FANCA: variants seen among roughly 807,000 people sequenced by gnomAD.
FANCA encodes Fanconi anemia group A protein.
FANCA carries 236 observed loss-of-function variants against 194.3 expected under a neutral mutation model. The ratio of observed to expected loss-of-function variants is 1.21; its 90% confidence interval spans 1.09 to 1.35. The LOEUF is 1.35. Among genes scored for constraint, FANCA ranks in the 40% most tolerant of loss-of-function variants. FANCA has a pLI of 0.00. For missense variants in FANCA, 2,628 were observed against 1,813.9 expected (o/e 1.45, Z -8.15); for synonymous variants, 1,014 against 715.8 (o/e 1.42, Z -6.65).
rs1192540962 is a variant in FANCA, at chr16:89,768,942, AGTGGGGACTGTCTGGT to A, written c.2504+879_2504+894del. Among the ~76,000 whole-genome samples the A allele has an allele frequency of 5.9e-5, 9 of 152,052 alleles. No individual in the cohort carries two copies. In the South Asian group the frequency reaches 1.7e-3, roughly 28 times the overall value. On this transcript the variant is annotated intron_variant, in intron 26 of 42. Transcript: ENST00000389301. ...TACTCAGTGTTTGGGGCCTGGGGTG[AGTGGGGACTGTCTGGT>A]GTGGCCAAGCGCCTAGGAGGGACTC...
chr16:89,750,795 C>CAACA (rs2038561842), intron 31 of FANCA, among the ~76,000 whole-genome samples: 1 of 151,066 alleles, frequency 6.6e-6, no homozygotes, highest in African/African-American at 2.4e-5. Flanking sequence ...AAAACAACAA[C>CAACA]AAAAAAAAAC....
In FANCA at chr16:89,773,876, CA is replaced by C. The variant is rs1304198681; in HGVS notation, c.1901-493del. Reference sequence around the variant, plus strand: ...TAACCTCCGCCTCCCGGGTTCAAATCATCCTGCCTCAGCCTCCCGAGTAGCT... The same window carrying C: ...TAACCTCCGCCTCCCGGGTTCAAATCTCCTGCCTCAGCCTCCCGAGTAGCT... On this transcript the variant is annotated intron_variant, in intron 21 of 42. Coordinates refer to ENST00000389301, the MANE Select transcript of FANCA (RefSeq NM_000135.4). 4.0e-5 allele frequency among the ~76,000 whole-genome samples: 6 copies of C among 151,152 alleles called. No individual in the cohort carries two copies. In the East Asian group the frequency reaches 1.2e-3, roughly 30 times the overall value.
intron 36 of FANCA, chr16:89,744,568 G>A (rs1476275103): frequency 3.0e-6 from 1 of 337,560 alleles, no homozygotes; most frequent in Non-Finnish European, 5.8e-6. Context: ...GATTTAAGAG[G>A]AAGGGGAGCA....
intron 26 of FANCA, 176 bp downstream of exon 26, chr16:89,769,661 C>T (rs1003069483): frequency 3.8e-4 from 267 of 706,336 alleles, no homozygotes; most frequent in Non-Finnish European, 6.1e-4. Flanking sequence ...AACAAACGCA[C>T]GCATATTATA....
At chr16:89,805,748 A>G (rs927799296) in intron 6 of FANCA, among the ~76,000 whole-genome samples, 1 of 147,034 alleles carries the variant, frequency 6.8e-6, no homozygotes, top group Non-Finnish European at 1.5e-5. Flanking sequence ...GTTATTTTCT[A>G]ATTTCCCTTG....
intron 3 of FANCA, among the ~76,000 whole-genome samples, chr16:89,813,412 A>G (rs1010572931): frequency 1.5e-4 from 22 of 150,664 alleles, no homozygotes; most frequent in Non-Finnish European, 1.2e-4. Flanking sequence ...TGTCTGTTAA[A>G]AAAAAAAAAA....
At chr16:89,769,686 A>G (rs2039253384) in intron 26 of FANCA, 151 bp downstream of exon 26, 1 of 820,134 alleles carries the variant, frequency 1.2e-6, no homozygotes, top group Admixed American at 2.1e-5. Context: ...AATGACAGAT[A>G]AAATTCTGGA....
rs1345382053 is a variant in FANCA, at chr16:89,769,991, AC to A, written c.2349del (p.Leu784TrpfsTer39). ...CCCAGGTGCACGGCCAGGGCAGCCA[AC>A]CCCAGCACATGTGGGGCACTCAGGC... ...GPSLSAPHVL[G>X]LAALAVHLGE... On this transcript the variant is annotated frameshift_variant, in exon 26 of 43. Coordinates refer to ENST00000389301, the MANE Select transcript of FANCA (RefSeq NM_000135.4). LOFTEE classifies it high-confidence loss of function. The A allele has an allele frequency of 1.2e-6, 2 of 1,613,896 alleles. No individual in the cohort carries two copies. The highest frequency in any genetic ancestry group is 2.2e-5 in the South Asian group (2 of 91,080).
Position 89,813,032 on chromosome 16 carries a change from C to CA in FANCA, c.283+1487dup, listed in dbSNP as rs34840110. On this transcript the variant is annotated intron_variant, in intron 3 of 42. Coordinates refer to ENST00000389301, the MANE Select transcript of FANCA (RefSeq NM_000135.4). ...TGGGCGACAGAGCAACACTTCGTCT[C>CA]AAAAAAAAAAAAAAAAAATTTTACA... Among the ~76,000 whole-genome samples the CA allele has an allele frequency of 4.3e-3, 541 of 127,056 alleles. 1 individual carries two copies. Among genetic ancestry groups the CA allele is most frequent in the African/African-American group, 6.1e-3 (218 of 35,532 alleles). The allele number at this position is 127,056 out of a possible 152,430, so 83.4% of individuals were successfully genotyped here.
At position 89,749,922 on chromosome 16, in the gene FANCA, T is replaced by A; in HGVS notation, c.3067-20A>T. On this transcript the variant is annotated intron_variant, in intron 31 of 42. Coordinates refer to ENST00000389301, the MANE Select transcript of FANCA (RefSeq NM_000135.4). Reference sequence around the variant, plus strand: ...CATCTCCTGAAAAAGAGCAGTATGCTGGCACAGGAAGGCCTCGGGGCTCAC... The same window carrying A: ...CATCTCCTGAAAAAGAGCAGTATGCAGGCACAGGAAGGCCTCGGGGCTCAC... The A allele has an allele frequency of 8.7e-6, 14 of 1,613,616 alleles. No individual in the cohort carries two copies. The highest frequency in any genetic ancestry group is 1.2e-5 in the Non-Finnish European group (14 of 1,180,006).
chr16:89,805,225 T>C, intron 7 of FANCA, 55 bp downstream of exon 7: 2 of 1,375,672 alleles, frequency 1.5e-6, no homozygotes, highest in Non-Finnish European at 2.1e-6. Flanking sequence ...CAGAAGGCAT[T>C]ATCACAGATC....
chr16:89,803,646 C>T (rs1260682829), intron 7 of FANCA, among the ~76,000 whole-genome samples: 3 of 141,268 alleles, frequency 2.1e-5, no homozygotes, highest in African/African-American at 5.4e-5. Flanking sequence ...TTTTGTGAGA[C>T]GGAGGCTTGC....
In FANCA at chr16:89,759,323, A is replaced by T. The variant is rs1262778367; in HGVS notation, c.2853-618T>A. ...CAACAGAGCGAGACTCCGTCTAAAA[A>T]AAAAAAAAAAAAAAAAAAAAAAAAA... is the stretch of plus-strand genomic sequence containing the variant. On this transcript the variant is annotated intron_variant, in intron 29 of 42. Transcript: ENST00000389301. 3.1e-3 allele frequency among the ~76,000 whole-genome samples: 345 copies of T among 112,262 alleles called. 37 individuals carry two copies. Among genetic ancestry groups the T allele is most frequent in the South Asian group, 0.014 (50 of 3,554 alleles). 73.6% of individuals were successfully genotyped at this position (112,262 alleles called of 152,430 possible). A position where few individuals can be genotyped will look rare whatever the true frequency, so the allele number is the denominator to read the frequency against.
intron 32 of FANCA, among the ~76,000 whole-genome samples, chr16:89,749,458 C>A (rs1202155846): frequency 6.6e-6 from 1 of 152,224 alleles, no homozygotes; most frequent in Non-Finnish European, 1.5e-5. Context: ...AACTCCTGAC[C>A]TCAGGTGATC....
intron 24 of FANCA, 104 bp downstream of exon 24, chr16:89,770,460 C>A: frequency 8.5e-7 from 1 of 1,176,500 alleles, no homozygotes; most frequent in Non-Finnish European, 1.2e-6. Context: ...TCGCCGCATG[C>A]TCCTGCGGAG....
rs200795294 is a variant in FANCA, at chr16:89,771,838, G to T, written c.2015-24C>A. On this transcript the variant is annotated intron_variant, in intron 22 of 42. Coordinates refer to ENST00000389301, the MANE Select transcript of FANCA (RefSeq NM_000135.4). The stretch of plus-strand genomic sequence containing the variant: ...AACTGCGAAGGAAGAAACTAGTTAG[G>T]GATGACAAGAACCCCGAAAGGAGGG... The T allele has an allele frequency of 2.2e-4, 351 of 1,613,002 alleles. 3 individuals carry two copies. The South Asian group carries it at 3.1e-3, about 14-fold the overall frequency.
chr16:89,788,221 G>C (rs1252716923), intron 14 of FANCA, among the ~76,000 whole-genome samples: 1 of 152,128 alleles, frequency 6.6e-6, no homozygotes, highest in Admixed American at 6.5e-5. Context: ...CCAGCACTTT[G>C]GGAGGCTAAG....
rs1227714489 is a variant in FANCA, at chr16:89,748,687, T to G, written c.3320A>C (p.Gln1107Pro). Residue 1107 changes from glutamine (Q) to proline (P), a missense_variant, in exon 33 of 43, where the codon CAG becomes CCG. By Grantham distance (76) the Gln-to-Pro change is moderately conservative (BLOSUM62 -1). Coordinates refer to ENST00000389301, the MANE Select transcript of FANCA (RefSeq NM_000135.4). ...AEQPITARCE[Q>P]FFHLVNSEMR... is the part of the protein sequence containing the mutation. ...CTCAGAGTTGACCAAGTGGAAGAAC[T>G]GCTCGCATCTGGCAGTGATGGGCTG... 2 of 1,614,032 alleles carry G rather than the reference T, an allele frequency of 1.2e-6. No homozygotes were observed. Among genetic ancestry groups the G allele is most frequent in the Non-Finnish European group, 1.7e-6 (2 of 1,180,024 alleles).
At position 89,771,010 on chromosome 16, in the gene FANCA, C is replaced by G. The variant is rs537167878; in HGVS notation, c.2152-376G>C. 2.6e-5 allele frequency among the ~76,000 whole-genome samples: 4 copies of G among 152,070 alleles called. No homozygotes were observed. The South Asian group carries it at 6.2e-4, about 24-fold the overall frequency. On this transcript the variant is annotated intron_variant, in intron 23 of 42. Coordinates refer to ENST00000389301, the MANE Select transcript of FANCA (RefSeq NM_000135.4). ...TGAAACCCTGTCTTTACTAAAAATA[C>G]AAAAATTAGCTGGGCGTAGTGGTGT...
Sources: gnomAD v4.1 joint callset for allele counts (sites outside exome capture counted in the v4.1 genomes callset) on GRCh38, gnomAD v4.1.1 for gene constraint, MANE v1.5 for transcripts, NCBI Gene and HGNC (gene_info 2026-07-23, HGNC 2026-07-21) for gene names.